The following NUSAP1 variants were observed in gnomAD, a reference collection of about 807,000 sequenced individuals.
NUSAP1 encodes nucleolar and spindle-associated protein 1.
Under a neutral mutation model 52.8 loss-of-function variants are expected in NUSAP1, and 32 were observed. That is an observed-to-expected ratio of 0.61 (90% CI 0.46 to 0.81). The LOEUF is 0.81. Ranked by LOEUF, NUSAP1 falls within the 40% of genes least tolerant of loss-of-function variation. The pLI is 0.00. For missense variants in NUSAP1, 499 were observed against 522.3 expected (o/e 0.96, Z 0.43); for synonymous variants, 195 against 183.1 (o/e 1.06, Z -0.52).
chr15:41,333,083 G>C, intron 1 of NUSAP1, 33 bp downstream of exon 1: 2 of 1,555,112 alleles, frequency 1.3e-6, no homozygotes, highest in Non-Finnish European at 1.8e-6. Flanking sequence ...CCCTGGGCGG[G>C]CGCGGCGGGA....
At chr15:41,344,232 A>C (rs2048473263) in intron 2 of NUSAP1, 5 of 150,794 alleles carry the variant, frequency 3.3e-5, no homozygotes, top group Non-Finnish European at 1.5e-5. Context: ...AAAAAAAAAA[A>C]GAAACAACAA....
intron 7 of NUSAP1, among the ~76,000 whole-genome samples, chr15:41,369,045 C>T (rs2049548420): frequency 6.6e-6 from 1 of 151,130 alleles, no homozygotes; most frequent in Non-Finnish European, 1.5e-5. Flanking sequence ...AACCACCACA[C>T]CTGGCCTATT....
rs781271915 is a variant in NUSAP1 at position 41,377,279 on chromosome 15, T to C, written c.1207T>C (p.Tyr403His). The change falls in exon 10 of 11, where the codon TAC becomes CAC. Residue 403 changes from tyrosine (Y) to histidine (H), a missense_variant. Transcript: ENST00000559596. Reference sequence around the variant, plus strand: ...CAGAATTAACTTCTACAAGAAAACTTACAAACAACCCCATCTCCAGACAAA... The same window carrying C: ...CAGAATTAACTTCTACAAGAAAACTCACAAACAACCCCATCTCCAGACAAA... ...VNRINFYKKT[Y>H]KQPHLQTKEE... 5.9e-6 allele frequency: 9 copies of C among 1,517,594 alleles called. No homozygotes were observed. Among genetic ancestry groups the C allele is most frequent in the South Asian group, 1.2e-5 (1 of 80,450 alleles). 94.0% of individuals were successfully genotyped at this position (1,517,594 alleles called of 1,614,324 possible).
At chr15:41,364,704 C>A (rs922075805) in intron 6 of NUSAP1, among the ~76,000 whole-genome samples, 1 of 152,024 alleles carries the variant, frequency 6.6e-6, no homozygotes, top group Admixed American at 6.6e-5. Context: ...CCTGTCTCTA[C>A]TAAAAATACA....
chr15:41,342,189 A>G (rs1450466264), intron 1 of NUSAP1, among the ~76,000 whole-genome samples, 197 bp from the exon 2 acceptor site: 4 of 152,180 alleles, frequency 2.6e-5, no homozygotes, highest in African/African-American at 9.7e-5. Flanking sequence ...CTGTATTGCA[A>G]TTGCCTCTTT....
chr15:41,376,991 A>G (rs1196516055), intron 9 of NUSAP1, among the ~76,000 whole-genome samples: 1 of 151,838 alleles, frequency 6.6e-6, no homozygotes, highest in African/African-American at 2.4e-5. Context: ...TGGGAGGATC[A>G]CTTGAGCCCA....
At chr15:41,339,046 A>T (rs2048279381) in intron 1 of NUSAP1, among the ~76,000 whole-genome samples, 1 of 151,902 alleles carries the variant, frequency 6.6e-6, no homozygotes, top group Non-Finnish European at 1.5e-5. Flanking sequence ...TAAAATCTAA[A>T]CTCTTTCCAG....
chr15:41,379,745 C>A (rs1460173155), intron 10 of NUSAP1, among the ~76,000 whole-genome samples: 2 of 152,024 alleles, frequency 1.3e-5, no homozygotes. Flanking sequence ...CGGGGTTTCA[C>A]CATTTTGGCC....
chr15:41,345,427 C>A (rs974404819), intron 2 of NUSAP1: 1 of 413,238 alleles, frequency 2.4e-6, no homozygotes, highest in Non-Finnish European at 4.7e-6. Context: ...GAAAAAAAAT[C>A]TCTTCTCCTT....
intron 1 of NUSAP1, among the ~76,000 whole-genome samples, chr15:41,341,912 C>T (rs1238289499): frequency 3.9e-5 from 6 of 152,222 alleles, no homozygotes; most frequent in Non-Finnish European, 8.8e-5. Context: ...TTACTATCTC[C>T]TACAAACAGG....
intron 1 of NUSAP1, among the ~76,000 whole-genome samples, chr15:41,338,531 C>CA (rs2048256182): frequency 6.6e-6 from 1 of 152,186 alleles, no homozygotes. Flanking sequence ...AAACCTGTGC[C>CA]ACAGCACTCT....
chr15:41,360,566 T>G (rs1418930892), intron 6 of NUSAP1, among the ~76,000 whole-genome samples: 1 of 152,102 alleles, frequency 6.6e-6, no homozygotes, highest in East Asian at 1.9e-4. Context: ...TCCACCTGCC[T>G]CAGCCTCCCA....
intron 5 of NUSAP1, among the ~76,000 whole-genome samples, chr15:41,356,354 C>CTTTTTTT (rs398026995): frequency 2.3e-4 from 29 of 124,636 alleles, no homozygotes; most frequent in Non-Finnish European, 3.3e-4. Flanking sequence ...CTATTTCTTT[C>CTTTTTTT]TTTTTTTTTT....
At chr15:41,349,398 C>T (rs1255394090) in intron 3 of NUSAP1, 157 bp downstream of exon 3, 2 of 634,548 alleles carry the variant, frequency 3.2e-6, no homozygotes, top group African/African-American at 1.8e-5. Context: ...TCCAGCTGCT[C>T]ATCACTGCAT....
intron 1 of NUSAP1, among the ~76,000 whole-genome samples, chr15:41,337,931 C>CTTTTTTTTTTTTTTTTTTTTTTT (rs757341496): frequency 2.2e-4 from 24 of 110,954 alleles, no homozygotes; most frequent in East Asian, 4.9e-4. Context: ...TTTCTTTTTT[C>CTTTTTTTTTTTTTTTTTTTTTTT]TTTTTTTTTT....
chr15:41,375,571 A>G, intron 8 of NUSAP1, 141 bp from the exon 9 acceptor site: 1 of 593,468 alleles, frequency 1.7e-6, no homozygotes, highest in Non-Finnish European at 3.0e-6. Context: ...TCGGCCTCCC[A>G]AAGTGCTGGG....
intron 5 of NUSAP1, 51 bp downstream of exon 5, chr15:41,356,191 A>G: frequency 9.9e-7 from 1 of 1,014,120 alleles, no homozygotes; most frequent in Non-Finnish European, 1.5e-6. Context: ...CCACTTCGGA[A>G]TGATGTTGGA....
At chr15:41,347,543 C>T (rs1281661542) in intron 2 of NUSAP1, among the ~76,000 whole-genome samples, 13 of 151,954 alleles carry the variant, frequency 8.6e-5, no homozygotes, top group Non-Finnish European at 1.6e-4. Flanking sequence ...TGGCCGGGTG[C>T]GGTGGCTCAC....
chr15:41,345,018 T>A (rs1441898070), intron 2 of NUSAP1, among the ~76,000 whole-genome samples: 1 of 152,138 alleles, frequency 6.6e-6, no homozygotes, highest in Non-Finnish European at 1.5e-5. Context: ...TTACTTTTTT[T>A]TGAGACAGGG....
Sources: gnomAD v4.1 joint callset for allele counts (sites outside exome capture counted in the v4.1 genomes callset) on GRCh38, gnomAD v4.1.1 for gene constraint, MANE v1.5 for transcripts, NCBI Gene and HGNC (gene_info 2026-07-23, HGNC 2026-07-21) for gene names.